Variants in SYT1 observed in about 807,000 individuals in gnomAD.
SYT1 encodes the protein synaptotagmin 1.
In SYT1, 8 loss-of-function variants were observed where a neutral mutation model predicts 44.8. The observed-to-expected ratio is 0.18, with a 90% CI of 0.10 to 0.32. The LOEUF (loss-of-function observed/expected upper bound fraction) is 0.32, where lower values mean the gene tolerates loss of function less well. Ranked by LOEUF, SYT1 falls within the 10% of genes least tolerant of loss-of-function variation. SYT1 has a pLI of 1.00. For missense variants in SYT1, 286 were observed against 509.3 expected, an observed-to-expected ratio of 0.56 and a Z score of 4.22; for synonymous variants, 154 against 188.8, an observed-to-expected ratio of 0.82 and a Z score of 1.51.
rs117667915 is a variant in SYT1 at position 79,074,994 on chromosome 12, A to T, written c.-18+27632A>T. Among the ~76,000 whole-genome samples, 591 of 152,292 alleles carry T rather than the reference A, an allele frequency of 3.9e-3. 3 individuals are homozygous for T. Among genetic ancestry groups the T allele is most frequent in the Non-Finnish European group, 4.4e-3 (299 of 68,026 alleles). The stretch of plus-strand genomic sequence containing the variant: ...TTCACTGTGAAGTCCTGAAACAAAA[A>T]TATCATCGTAAATACCCTGGATCTC... On this transcript the variant is annotated intron_variant, in intron 3 of 10. Coordinates refer to ENST00000261205, the MANE Select transcript of SYT1 (RefSeq NM_005639.3).
intron 4 of SYT1, among the ~76,000 whole-genome samples, chr12:79,237,882 T>G (rs758012297): frequency 1.1e-4 from 17 of 152,218 alleles, no homozygotes; most frequent in Non-Finnish European, 2.2e-4. Flanking sequence ...AAAGATGTTA[T>G]GCAGAATACA....
At chr12:79,402,193 G>A (rs1027879105) in intron 9 of SYT1, among the ~76,000 whole-genome samples, 1 of 152,062 alleles carries the variant, frequency 6.6e-6, no homozygotes, top group Non-Finnish European at 1.5e-5. Context: ...AATTTCTCCC[G>A]TAAAAAGTTT....
intron 1 of SYT1, among the ~76,000 whole-genome samples, chr12:78,920,572 C>CAA (rs34862827): frequency 0.8 from 121,482 of 151,728 alleles, 49,527 homozygotes; most frequent in African/African-American, 0.95. Context: ...CTTTTATAAC[C>CAA]AAGTTCTCTA....
Position 79,449,034 on chromosome 12 carries a change from C to T in SYT1, c.1179C>T (p.Asp393=), listed in dbSNP as rs774248831. The T allele has an allele frequency of 1.2e-6, 2 of 1,614,230 alleles. No homozygotes were observed. The highest frequency in any genetic ancestry group is 2.2e-5 in the East Asian group (1 of 44,872). ...STGAELRHWS[D]MLANPRRPIA... ...GCGCGGAGCTGCGACACTGGTCAGA[C>T]ATGCTGGCCAACCCCAGGCGACCTA... Residue 393 remains aspartate (D), a synonymous_variant, in exon 11 of 11, where the codon GAC becomes GAT. Transcript: ENST00000261205.
At chr12:79,066,899 G>T (rs950501538) in intron 3 of SYT1, among the ~76,000 whole-genome samples, 3 of 152,058 alleles carry the variant, frequency 2.0e-5, no homozygotes, top group Admixed American at 2.0e-4. Context: ...ATTAATATGG[G>T]CTACTGAATC....
chr12:79,347,047 T>C (rs1275417129), intron 8 of SYT1, among the ~76,000 whole-genome samples: 1 of 148,734 alleles, frequency 6.7e-6, no homozygotes, highest in Non-Finnish European at 1.5e-5. Flanking sequence ...TTTTCTTTTT[T>C]TTTTTTTTTT....
chr12:78,895,260 A>T (rs1373821938), intron 1 of SYT1, among the ~76,000 whole-genome samples: 2 of 151,728 alleles, frequency 1.3e-5, no homozygotes, highest in East Asian at 1.9e-4. Context: ...GTTTTTTCAT[A>T]AAACTAATTT....
chr12:79,041,657 C>A (rs1208062436), intron 2 of SYT1, among the ~76,000 whole-genome samples: 1 of 152,042 alleles, frequency 6.6e-6, no homozygotes, highest in Non-Finnish European at 1.5e-5. Context: ...ACTTCCAACA[C>A]TATGTTGAAT....
At chr12:79,148,363 A>ATTTTTTTTT (rs1565827160) in intron 3 of SYT1, among the ~76,000 whole-genome samples, 2 of 152,156 alleles carry the variant, frequency 1.3e-5, no homozygotes, top group Non-Finnish European at 2.9e-5. Flanking sequence ...TTTCAGTGAT[A>ATTTTTTTTT]ATCTTTTTTT....
At chr12:78,939,515 G>A (rs905755295) in intron 1 of SYT1, among the ~76,000 whole-genome samples, 1 of 152,158 alleles carries the variant, frequency 6.6e-6, no homozygotes, top group Non-Finnish European at 1.5e-5. Context: ...GCAGTTTCAT[G>A]CTTTGTGGAT....
chr12:79,328,785 G>T (rs1421947379), intron 8 of SYT1, among the ~76,000 whole-genome samples: 2 of 150,770 alleles, frequency 1.3e-5, no homozygotes, highest in Admixed American at 1.3e-4. Context: ...GGCAGAGCTT[G>T]CAGTAAGCCA....
At chr12:79,369,064 T>C (rs1883678951) in intron 9 of SYT1, among the ~76,000 whole-genome samples, 1 of 152,252 alleles carries the variant, frequency 6.6e-6, no homozygotes, top group Non-Finnish European at 1.5e-5. Flanking sequence ...ATATCAGTCA[T>C]GTTGAACTGT....
At chr12:78,978,506 T>G (rs1463132211) in intron 2 of SYT1, among the ~76,000 whole-genome samples, 1 of 152,222 alleles carries the variant, frequency 6.6e-6, no homozygotes, top group Non-Finnish European at 1.5e-5. Flanking sequence ...GAGTACATAA[T>G]TTGGGTTGTA....
Position 78,908,814 on chromosome 12 carries a change from C to T in SYT1, c.-217+43705C>T, listed in dbSNP as rs376492472. Among the ~76,000 whole-genome samples the T allele has an allele frequency of 3.9e-5, 6 of 152,006 alleles. No homozygotes were observed. The East Asian group carries it at 7.7e-4, about 20-fold the overall frequency. Reference sequence around the variant, plus strand: ...AAGTCATGACATGTCCAGGTTTAACCTCTTATCTGGAATATGCAGAAAATC... The same window carrying T: ...AAGTCATGACATGTCCAGGTTTAACTTCTTATCTGGAATATGCAGAAAATC... On this transcript the variant is annotated intron_variant, in intron 1 of 10. Transcript: ENST00000261205.
chr12:79,251,035 A>C (rs1240014664), intron 4 of SYT1, among the ~76,000 whole-genome samples: 1 of 152,154 alleles, frequency 6.6e-6, no homozygotes, highest in Admixed American at 6.6e-5. Flanking sequence ...GAAATACATC[A>C]GTAAAGAAGA....
At chr12:79,138,977 C>T (rs1383440231) in intron 3 of SYT1, among the ~76,000 whole-genome samples, 1 of 152,096 alleles carries the variant, frequency 6.6e-6, no homozygotes, top group African/African-American at 2.4e-5. Flanking sequence ...ATGAACAAAA[C>T]CTCAAAATAT....
chr12:79,060,281 A>C (rs541169051), intron 3 of SYT1, among the ~76,000 whole-genome samples: 1 of 152,064 alleles, frequency 6.6e-6, no homozygotes, highest in Non-Finnish European at 1.5e-5. Flanking sequence ...TATTTTCAAG[A>C]GCTGTATCTT....
intron 1 of SYT1, among the ~76,000 whole-genome samples, chr12:78,893,806 A>G (rs925133946): frequency 6.3e-4 from 96 of 151,774 alleles, no homozygotes; most frequent in African/African-American, 2.2e-3. Context: ...TTTAATGTTT[A>G]TTTTATACGG....
At chr12:79,211,772 A>C (rs1181965956) in intron 3 of SYT1, among the ~76,000 whole-genome samples, 1 of 152,018 alleles carries the variant, frequency 6.6e-6, no homozygotes, top group African/African-American at 2.4e-5. Flanking sequence ...ACATGAACTC[A>C]TCATTTTTTA....
Sources: gnomAD v4.1 joint callset for allele counts (sites outside exome capture counted in the v4.1 genomes callset) on GRCh38, gnomAD v4.1.1 for gene constraint, MANE v1.5 for transcripts, NCBI Gene and HGNC (gene_info 2026-07-23, HGNC 2026-07-21) for gene names.